The following ASCC3 variants were observed in gnomAD, a reference collection of about 807,000 sequenced individuals.
ASCC3 encodes the protein ASC-1 complex subunit P200.
Under a neutral mutation model 256.3 loss-of-function variants are expected in ASCC3, and 158 were observed. The observed-to-expected ratio is 0.62, with a 90% CI of 0.54 to 0.70. The LOEUF is 0.70. Among genes scored for constraint, ASCC3 ranks in the 30% least tolerant of loss-of-function variants. The pLI is 0.00. For synonymous variants in ASCC3, 948 were observed against 883.4 expected, an observed-to-expected ratio of 1.07 and a Z score of -1.30; for missense variants, 2,259 against 2,626.0, an observed-to-expected ratio of 0.86 and a Z score of 3.05.
intron 36 of ASCC3, among the ~76,000 whole-genome samples, chr6:100,570,468 C>T (rs1382457616): frequency 6.6e-6 from 1 of 152,034 alleles, no homozygotes; most frequent in African/African-American, 2.4e-5. Flanking sequence ...TGAGACCATC[C>T]CCTTCTTGAG....
intron 8 of ASCC3, among the ~76,000 whole-genome samples, chr6:100,794,524 A>G (rs1185300675): frequency 6.6e-6 from 1 of 152,084 alleles, no homozygotes; most frequent in Non-Finnish European, 1.5e-5. Context: ...ACTTTGTACA[A>G]CATAACCCAA....
At chr6:100,626,678 T>A (rs1219277187) in intron 29 of ASCC3, among the ~76,000 whole-genome samples, 3 of 152,120 alleles carry the variant, frequency 2.0e-5, no homozygotes, top group Non-Finnish European at 4.4e-5. Context: ...TTATTGTTTA[T>A]CAGAATGTTA....
intron 8 of ASCC3, among the ~76,000 whole-genome samples, chr6:100,789,308 A>G (rs1769237125): frequency 6.6e-6 from 1 of 151,988 alleles, no homozygotes; most frequent in African/African-American, 2.4e-5. Context: ...TCAAAAGAGT[A>G]GGGGAAGGAG....
chr6:100,727,967 G>A (rs540944764), intron 10 of ASCC3, among the ~76,000 whole-genome samples: 1 of 152,118 alleles, frequency 6.6e-6, no homozygotes, highest in East Asian at 1.9e-4. Context: ...GTCAAAGAAA[G>A]TCTAAAAATA....
At position 100,549,722 on chromosome 6, in the gene ASCC3, TA is replaced by T. The variant is rs199535711; in HGVS notation, c.5551-9336del. Among the ~76,000 whole-genome samples the T allele has an allele frequency of 2.4e-4, 36 of 149,582 alleles. No individual in the cohort carries two copies. The South Asian group carries it at 3.1e-3, about 13-fold the overall frequency. Reference sequence around the variant, plus strand: ...TAAGGAAGAGAATGACTCAGAAATCTAAAAAAAAAATTTTCCTTCAAGGAAA... The same window carrying T: ...TAAGGAAGAGAATGACTCAGAAATCTAAAAAAAAATTTTCCTTCAAGGAAA... On this transcript the variant is annotated intron_variant, in intron 36 of 41. Transcript: ENST00000369162.
chr6:100,650,754 T>C (rs1298392372), intron 19 of ASCC3, 40 bp from the exon 20 acceptor site: 5 of 1,499,036 alleles, frequency 3.3e-6, no homozygotes, highest in Non-Finnish European at 4.6e-6. Flanking sequence ...TTGGGGCTGA[T>C]TTATTTAAAT....
chr6:100,833,433 A>G (rs1771717657), intron 4 of ASCC3, among the ~76,000 whole-genome samples: 1 of 152,194 alleles, frequency 6.6e-6, no homozygotes, highest in Non-Finnish European at 1.5e-5. Context: ...CCAAGAGTGA[A>G]TCCTTCTGTA....
intron 4 of ASCC3, among the ~76,000 whole-genome samples, chr6:100,807,970 G>A (rs933731092): frequency 7.9e-5 from 12 of 151,906 alleles, no homozygotes; most frequent in Non-Finnish European, 1.2e-4. Flanking sequence ...TCAGATTAGG[G>A]TATCTGACAA....
chr6:100,657,773 T>C (rs1214778526), intron 16 of ASCC3, among the ~76,000 whole-genome samples: 1 of 151,448 alleles, frequency 6.6e-6, no homozygotes, highest in African/African-American at 2.4e-5. Context: ...AAAGCAAGTG[T>C]TGTAAATGTT....
At chr6:100,512,940 A>T (rs1446836726) in intron 39 of ASCC3, 22 bp from the exon 40 acceptor site, 1 of 1,599,334 alleles carries the variant, frequency 6.3e-7, no homozygotes, top group African/African-American at 1.3e-5. Flanking sequence ...GAGAAAAGAA[A>T]CAATAAAGGA....
intron 34 of ASCC3, among the ~76,000 whole-genome samples, chr6:100,592,236 A>G (rs546105235): frequency 2.9e-4 from 44 of 151,908 alleles, no homozygotes; most frequent in African/African-American, 1.0e-3. Context: ...TAACTTGCTA[A>G]AAGTTCACAT....
At chr6:100,810,188 TG>T (rs1219762874) in intron 4 of ASCC3, among the ~76,000 whole-genome samples, 1 of 152,142 alleles carries the variant, frequency 6.6e-6, no homozygotes, top group Non-Finnish European at 1.5e-5. Context: ...TCTGCTACTC[TG>T]AAGGCATGCT....
intron 4 of ASCC3, among the ~76,000 whole-genome samples, chr6:100,847,819 T>C (rs1487097937): frequency 6.6e-6 from 1 of 152,188 alleles, no homozygotes; most frequent in Non-Finnish European, 1.5e-5. Context: ...CCATCCCTCT[T>C]AATCTTTCAT....
At chr6:100,594,453 T>C (rs1267765291) in intron 34 of ASCC3, among the ~76,000 whole-genome samples, 1 of 152,170 alleles carries the variant, frequency 6.6e-6, no homozygotes, top group African/African-American at 2.4e-5. Context: ...AATTTACCAG[T>C]TTCCTGTGGC....
intron 37 of ASCC3, among the ~76,000 whole-genome samples, chr6:100,518,791 T>A (rs1774160464): frequency 6.6e-6 from 1 of 152,168 alleles, no homozygotes; most frequent in African/African-American, 2.4e-5. Context: ...AAATCTTATT[T>A]AAACAAAGGC....
At chr6:100,673,861 A>C (rs895248465) in intron 14 of ASCC3, among the ~76,000 whole-genome samples, 1 of 152,134 alleles carries the variant, frequency 6.6e-6, no homozygotes, top group African/African-American at 2.4e-5. Flanking sequence ...TGCACCTTAC[A>C]TTCCTGTGAA....
chr6:100,736,991 A>G (rs1780201731), intron 10 of ASCC3, among the ~76,000 whole-genome samples: 1 of 152,086 alleles, frequency 6.6e-6, no homozygotes, highest in African/African-American at 2.4e-5. Context: ...CTACTAAAAT[A>G]CAAAAACTTA....
At chr6:100,510,407 A>G in intron 40 of ASCC3, 1 of 319,696 alleles carries the variant, frequency 3.1e-6, no homozygotes, top group Non-Finnish European at 5.8e-6. Flanking sequence ...GCAAATTCTC[A>G]TGCTATTCCT....
intron 9 of ASCC3, 69 bp from the exon 10 acceptor site, chr6:100,766,774 AT>A: frequency 6.4e-7 from 1 of 1,565,936 alleles, no homozygotes. Flanking sequence ...ACAGTAGCCA[AT>A]ACAAGTCACA....
Sources: gnomAD v4.1 joint callset for allele counts (sites outside exome capture counted in the v4.1 genomes callset) on GRCh38, gnomAD v4.1.1 for gene constraint, MANE v1.5 for transcripts, NCBI Gene and HGNC (gene_info 2026-07-23, HGNC 2026-07-21) for gene names.